MSN: variants seen among roughly 807,000 people sequenced by gnomAD.
MSN encodes the protein epididymis luminal protein 70.
MSN carries 2 observed loss-of-function variants against 48.0 expected under a neutral mutation model. The ratio of observed to expected loss-of-function variants is 0.04; its 90% CI spans 0.02 to 0.13. MSN has a LOEUF of 0.13. Among genes scored for constraint, MSN ranks in the 10% least tolerant of loss-of-function variants. The pLI is 1.00. For missense variants in MSN, 267 were observed against 470.1 expected (o/e 0.57, Z 3.99); for synonymous variants, 146 against 166.9 (o/e 0.87, Z 0.97).
chrX:65,739,983 C>T lies in MSN; in HGVS notation c.*90C>T. 1.0e-6 allele frequency: 1 copy of T among 1,002,966 alleles called. No individual in the cohort carries two copies. Among genetic ancestry groups the T allele is most frequent in the Non-Finnish European group, 1.4e-6 (1 of 737,886 alleles). The allele number at this position is 1,002,966 out of a possible 1,213,427, so 82.7% of individuals were successfully genotyped here. A position where few individuals can be genotyped will look rare whatever the true frequency, so the allele number is the denominator to read the frequency against. ...TCACCTAACTCATACTGTGCTGGAG[C>T]CACTAACTAGAGCAGCCCTGGAGTC... On this transcript the variant is annotated 3_prime_UTR_variant, in exon 13 of 13. Transcript: ENST00000360270.
intron 1 of MSN, among the ~76,000 whole-genome samples, chrX:65,700,969 T>C (rs1475421182): frequency 1.8e-5 from 2 of 111,312 alleles, no homozygotes; most frequent in Non-Finnish European, 3.8e-5. Context: ...GTCACACCTA[T>C]TTTAGACTCC....
chrX:65,739,202 A>C lies in MSN; in HGVS notation c.1569+8A>C, dbSNP rs1230800513. 2 of 1,196,033 alleles carry C rather than the reference A, an allele frequency of 1.7e-6. No homozygotes were observed. The highest frequency in any genetic ancestry group is 4.5e-5 in the Admixed American group (2 of 44,797). On this transcript the variant is annotated splice_region_variant and intron_variant, in intron 12 of 12. Transcript: ENST00000360270. ...GTGCAGAAGCACCTGAAGGTATACA[A>C]GTAGGGCCAAGGGGCAAGGAAACTA...
intron 1 of MSN, among the ~76,000 whole-genome samples, chrX:65,606,850 A>C (rs954228614): frequency 7.1e-5 from 8 of 112,668 alleles, no homozygotes; most frequent in Non-Finnish European, 1.3e-4. Context: ...TCATTCATGC[A>C]AAACTATTTA....
rs113981634 is a variant in MSN, at chrX:65,712,914, G to A, written c.13-3904G>A. Among the ~76,000 whole-genome samples, 774 of 111,311 alleles carry A rather than the reference G, an allele frequency of 7.0e-3. 10 individuals are homozygous for A. Among genetic ancestry groups the A allele is most frequent in the African/African-American group, 0.024 (732 of 30,663 alleles). ...TTTAGCATATTGGTTTACATTGTGAGGTTTGGATTTAGACCTGGATTCAAA... is the reference window on the plus strand; with the variant it reads ...TTTAGCATATTGGTTTACATTGTGAAGTTTGGATTTAGACCTGGATTCAAA... On this transcript the variant is annotated intron_variant, in intron 1 of 12. Coordinates refer to ENST00000360270, the MANE Select transcript of MSN (RefSeq NM_002444.3).
chrX:65,594,316 A>C (rs963538184), intron 1 of MSN, among the ~76,000 whole-genome samples: 13 of 110,882 alleles, frequency 1.2e-4, no homozygotes, highest in African/African-American at 4.3e-4. Context: ...ATCTTTGTCA[A>C]CTCATTAGCA....
chrX:65,662,062 A>G (rs1295216126), intron 1 of MSN, among the ~76,000 whole-genome samples: 1 of 112,488 alleles, frequency 8.9e-6, no homozygotes, highest in African/African-American at 3.2e-5. Flanking sequence ...ATCTAGGAGT[A>G]CAGCAGCTAA....
intron 1 of MSN, among the ~76,000 whole-genome samples, chrX:65,708,787 A>T (rs1001821205): frequency 9.0e-6 from 1 of 110,806 alleles, no homozygotes; most frequent in East Asian, 2.8e-4. Flanking sequence ...GGTTCAAGAG[A>T]TTCTCCTGCC....
At chrX:65,724,040 T>C (rs1423723636) in intron 2 of MSN, among the ~76,000 whole-genome samples, 13 of 105,581 alleles carry the variant, frequency 1.2e-4, no homozygotes, top group South Asian at 8.1e-4. Context: ...AATTCTCTCT[T>C]TTTTTTTTTT....
intron 1 of MSN, among the ~76,000 whole-genome samples, chrX:65,628,840 G>A (rs4641207): frequency 0.015 from 1,631 of 110,176 alleles, 27 homozygotes; most frequent in African/African-American, 0.05. Flanking sequence ...CGAGGTGGGC[G>A]GATCACCTGA....
intron 1 of MSN, among the ~76,000 whole-genome samples, chrX:65,626,375 C>T (rs1032782525): frequency 2.7e-5 from 3 of 111,621 alleles, no homozygotes; most frequent in Middle Eastern, 4.6e-3. Context: ...GAAAACTGTA[C>T]GTTTGAATAT....
chrX:65,626,483 C>T (rs1378935431), intron 1 of MSN, among the ~76,000 whole-genome samples: 3 of 111,439 alleles, frequency 2.7e-5, no homozygotes, highest in African/African-American at 9.8e-5. Flanking sequence ...TGTTTAGTAA[C>T]TTTTCCAATC....
chrX:65,647,110 G>A (rs1330028843), intron 1 of MSN, among the ~76,000 whole-genome samples: 1 of 111,675 alleles, frequency 9.0e-6, no homozygotes. Flanking sequence ...TTTACTTGGG[G>A]AGACAGACAT....
intron 1 of MSN, among the ~76,000 whole-genome samples, chrX:65,649,643 A>ATG (rs1309817862): frequency 2.9e-5 from 3 of 103,698 alleles, no homozygotes; most frequent in African/African-American, 1.1e-4. Context: ...GTGTATATGT[A>ATG]TGTGTGTGTA....
intron 1 of MSN, among the ~76,000 whole-genome samples, chrX:65,633,011 T>A (rs1461641062): frequency 9.0e-6 from 1 of 111,446 alleles, no homozygotes; most frequent in African/African-American, 3.3e-5. Flanking sequence ...AAGGGAGGGC[T>A]GGCATGGATT....
intron 1 of MSN, among the ~76,000 whole-genome samples, chrX:65,597,519 A>G (rs1225320846): frequency 9.3e-6 from 1 of 107,645 alleles, no homozygotes; most frequent in East Asian, 2.9e-4. Context: ...GCTAATTTTT[A>G]ATTTTTTTTG....
intron 1 of MSN, among the ~76,000 whole-genome samples, chrX:65,649,415 A>G (rs2070721378): frequency 9.9e-6 from 1 of 101,379 alleles, no homozygotes; most frequent in Non-Finnish European, 2.0e-5. Flanking sequence ...AAAAAAAAAA[A>G]AAATACAAAA....
At chrX:65,591,185 C>G (rs912302632) in intron 1 of MSN, among the ~76,000 whole-genome samples, 1 of 111,591 alleles carries the variant, frequency 9.0e-6, no homozygotes, top group African/African-American at 3.3e-5. Flanking sequence ...AGGTGTGTGC[C>G]TTTCTCCTGA....
At chrX:65,588,733 G>A (rs968408442) in intron 1 of MSN, 59 of 503,858 alleles carry the variant, frequency 1.2e-4, no homozygotes, top group Non-Finnish European at 1.4e-4. Context: ...TCTTCTCAGG[G>A]GGTAGGGGAC....
intron 1 of MSN, among the ~76,000 whole-genome samples, chrX:65,647,600 G>A (rs1243054528): frequency 1.8e-5 from 2 of 112,671 alleles, no homozygotes; most frequent in Non-Finnish European, 3.7e-5. Flanking sequence ...TTGATCTAAA[G>A]GAAGGATTGA....
Sources: allele counts gnomAD v4.1 joint callset (sites outside exome capture counted in the v4.1 genomes callset), GRCh38; gene constraint gnomAD v4.1.1; transcripts MANE v1.5; gene names NCBI Gene and HGNC (gene_info 2026-07-23, HGNC 2026-07-21).